Variants in NUP98 observed in about 807,000 individuals in gnomAD.
The protein encoded by NUP98 is nuclear pore complex protein Nup98-Nup96.
In NUP98, 26 loss-of-function variants were observed where a neutral mutation model predicts 191.9. The ratio of observed to expected loss-of-function variants is 0.14; its 90% CI spans 0.10 to 0.19. The LOEUF (loss-of-function observed/expected upper bound fraction) is 0.19. NUP98 is among the 10% of genes least tolerant of loss of function. The pLI, the probability that NUP98 is intolerant of heterozygous loss-of-function variation, is 1.00. For missense variants in NUP98, 1,941 were observed against 2,178.8 expected, an observed-to-expected ratio of 0.89 and a Z score of 2.17; for synonymous variants, 808 against 778.4, an observed-to-expected ratio of 1.04 and a Z score of -0.63.
At chr11:3,681,199 C>G (rs1398869381) in intron 30 of NUP98, among the ~76,000 whole-genome samples, 1 of 152,136 alleles carries the variant, frequency 6.6e-6, no homozygotes, top group African/African-American at 2.4e-5. Context: ...CACCACCATG[C>G]TCAGCTAATT....
At chr11:3,730,753 A>C (rs1302782777) in intron 14 of NUP98, among the ~76,000 whole-genome samples, 1 of 152,004 alleles carries the variant, frequency 6.6e-6, no homozygotes, top group Non-Finnish European at 1.5e-5. Context: ...AGTGAGCAGT[A>C]ATTGCACCAC....
chr11:3,721,294 T>C lies in NUP98; in HGVS notation c.2147-469A>G, dbSNP rs148543722. 5.0e-3 allele frequency among the ~76,000 whole-genome samples: 758 copies of C among 152,282 alleles called. 11 individuals carry two copies. Among genetic ancestry groups the C allele is most frequent in the African/African-American group, 0.017 (697 of 41,540 alleles). On this transcript the variant is annotated intron_variant, in intron 16 of 32. Transcript: ENST00000324932. Reference sequence around the variant, plus strand: ...GTTGGCTTATACTGTAATTTAACAATAGAAGTAGATATAAAACTCCAAACC... The same window carrying C: ...GTTGGCTTATACTGTAATTTAACAACAGAAGTAGATATAAAACTCCAAACC...
At chr11:3,712,145 C>T in intron 20 of NUP98, 1 of 1,062,810 alleles carries the variant, frequency 9.4e-7, no homozygotes, top group Non-Finnish European at 1.1e-6. Flanking sequence ...GATTAAAAAC[C>T]CTTTCAGAAA....
chr11:3,794,408 C>T (rs2082459569), intron 1 of NUP98, among the ~76,000 whole-genome samples: 1 of 152,088 alleles, frequency 6.6e-6, no homozygotes, highest in African/African-American at 2.4e-5. Context: ...GCAACCTCCG[C>T]CTCCCGAGTT....
intron 18 of NUP98, 54 bp downstream of exon 18, chr11:3,719,358 G>A (rs612785): frequency 5.5e-5 from 79 of 1,448,942 alleles, no homozygotes; most frequent in South Asian, 2.7e-4. Flanking sequence ...TATGTTTACA[G>A]AAAAAAAAAT....
chr11:3,723,358 G>T lies in NUP98; in HGVS notation c.1945C>A (p.Pro649Thr). 2 of 1,614,074 alleles carry T rather than the reference G, an allele frequency of 1.2e-6. No individual in the cohort carries two copies. Among genetic ancestry groups the T allele is most frequent in the Non-Finnish European group, 1.7e-6 (2 of 1,180,004 alleles). The change falls in exon 16 of 33, where the codon CCT becomes ACT. Residue 649 changes from proline to threonine, a missense_variant. Around this residue, in one of 6 missense-constraint regions of NUP98, gnomAD observed 453 missense variants for 438.2 expected, o/e 1.03. Coordinates refer to ENST00000324932, the MANE Select transcript of NUP98 (RefSeq NM_016320.5). ...SHFYTNPIAK[P>T]IPQTPESAGN... The stretch of plus-strand genomic sequence containing the variant: ...GCACTTTCTGGGGTTTGAGGAATAG[G>T]TTTGGCAATAGGGTTAGTATAAAAA...
chr11:3,730,097 T>C (rs2079785441), intron 14 of NUP98, among the ~76,000 whole-genome samples: 2 of 151,896 alleles, frequency 1.3e-5, no homozygotes, highest in African/African-American at 4.8e-5. Flanking sequence ...TAGCCAGGCA[T>C]GGTGGCACGT....
At chr11:3,686,893 A>G (rs1352325195) in intron 28 of NUP98, among the ~76,000 whole-genome samples, 1 of 152,152 alleles carries the variant, frequency 6.6e-6, no homozygotes, top group African/African-American at 2.4e-5. Context: ...AGGCTGTGGC[A>G]CAAGAACTGC....
chr11:3,791,630 G>A (rs1181163150), intron 1 of NUP98, among the ~76,000 whole-genome samples: 3 of 151,140 alleles, frequency 2.0e-5, no homozygotes, highest in African/African-American at 7.3e-5. Context: ...AGATCACGAG[G>A]TCAGGAGTTG....
chr11:3,755,509 TAACA>T (rs1411742740), intron 10 of NUP98, among the ~76,000 whole-genome samples: 2 of 151,742 alleles, frequency 1.3e-5, no homozygotes, highest in African/African-American at 4.8e-5. Flanking sequence ...CCCAAAAAGA[TAACA>T]AACAGAATAA....
In NUP98 at chr11:3,753,418, C is replaced by CA; in HGVS notation, c.1175-11dup. The CA allele has an allele frequency of 6.2e-7, 1 of 1,601,220 alleles. No homozygotes were observed. The highest frequency in any genetic ancestry group is 8.6e-7 in the Non-Finnish European group (1 of 1,168,738). ...GTATTTGTGCCAAAACCTAGGAAGA[C>CA]AAAAGAATGAGTGGATTGTACTTTT... is the stretch of plus-strand genomic sequence containing the variant. On this transcript the variant is annotated splice_polypyrimidine_tract_variant and intron_variant, in intron 10 of 32. Transcript: ENST00000324932.
chr11:3,713,233 C>A (rs1281416110), intron 19 of NUP98, among the ~76,000 whole-genome samples: 2 of 152,176 alleles, frequency 1.3e-5, no homozygotes, highest in African/African-American at 4.8e-5. Flanking sequence ...TTACTGAAGT[C>A]CCTAATGATG....
intron 8 of NUP98, among the ~76,000 whole-genome samples, chr11:3,767,933 T>G (rs529498245): frequency 6.6e-6 from 1 of 152,274 alleles, no homozygotes; most frequent in Admixed American, 6.5e-5. Context: ...AATAAGTATT[T>G]TCTCCTATAC....
At chr11:3,722,429 A>C (rs2079438400) in intron 16 of NUP98, among the ~76,000 whole-genome samples, 1 of 151,942 alleles carries the variant, frequency 6.6e-6, no homozygotes, top group African/African-American at 2.4e-5. Context: ...GTCAAAGTAT[A>C]AACTTCTTTC....
At chr11:3,796,611 T>G (rs79437649) in intron 1 of NUP98, among the ~76,000 whole-genome samples, 6 of 152,178 alleles carry the variant, frequency 3.9e-5, no homozygotes, top group Admixed American at 3.9e-4. Context: ...CTAATGTCCA[T>G]GCCGCACCGA....
intron 28 of NUP98, among the ~76,000 whole-genome samples, chr11:3,687,263 C>T (rs1388260640): frequency 6.6e-6 from 1 of 152,122 alleles, no homozygotes; most frequent in Non-Finnish European, 1.5e-5. Context: ...TTTCAGAGTT[C>T]TTGATGTATT....
At chr11:3,753,069 C>T (rs1395734387) in intron 11 of NUP98, among the ~76,000 whole-genome samples, 2 of 152,128 alleles carry the variant, frequency 1.3e-5, no homozygotes, top group East Asian at 1.9e-4. Context: ...TACTAAAAAT[C>T]CCAAAAAGAC....
chr11:3,740,236 C>A (rs769111982), intron 12 of NUP98, among the ~76,000 whole-genome samples: 1 of 152,052 alleles, frequency 6.6e-6, no homozygotes, highest in Non-Finnish European at 1.5e-5. Flanking sequence ...CTAAGCCAGG[C>A]GCGGTGGCTC....
chr11:3,757,037 G>A (rs954920210), intron 10 of NUP98, among the ~76,000 whole-genome samples: 3 of 151,296 alleles, frequency 2.0e-5, no homozygotes, highest in East Asian at 1.9e-4. Context: ...GCAGCAAACC[G>A]AGATCGTGCC....
Sources: gnomAD v4.1 joint callset for allele counts (sites outside exome capture counted in the v4.1 genomes callset) on GRCh38, gnomAD v4.1.1 for gene constraint, gnomAD v4.1.1 regional missense constraint, MANE v1.5 for transcripts, NCBI Gene and HGNC (gene_info 2026-07-23, HGNC 2026-07-21) for gene names.